Variants in UNC79 observed in about 807,000 individuals in gnomAD.
UNC79 encodes the protein unc-79 subunit of NALCN channel complex, also known as protein unc-79 homolog.
A neutral mutation model predicts 283.1 loss-of-function variants in UNC79; 37 were observed. That is an observed-to-expected ratio of 0.13 (90% CI 0.10 to 0.17). The LOEUF (loss-of-function observed/expected upper bound fraction) is 0.17. UNC79 is among the 10% of genes least tolerant of loss of function. UNC79 has a pLI of 1.00. For synonymous variants in UNC79, 1,107 were observed against 1,200.2 expected, an observed-to-expected ratio of 0.92 and a Z score of 1.61; for missense variants, 2,272 against 3,211.1, an observed-to-expected ratio of 0.71 and a Z score of 7.07.
intron 38 of UNC79, 76 bp from the exon 42 acceptor site, chr14:93,659,117 C>G: frequency 8.4e-7 from 1 of 1,195,100 alleles, no homozygotes; most frequent in Admixed American, 2.4e-5. Context: ...AAACTAAATG[C>G]TTTCAGAACA....
chr14:93,423,698 T>C lies in UNC79; in HGVS notation c.-350-43973T>C, dbSNP rs141032065. On this transcript the variant is annotated intron_variant, in intron 1 of 49. Transcript: ENST00000256339. ...GAAACTAGACTCCTATTTCTCACCATATACAAAAATCAAATCAAAATGGAT... is the reference window on the plus strand; with the variant it reads ...GAAACTAGACTCCTATTTCTCACCACATACAAAAATCAAATCAAAATGGAT... Among the ~76,000 whole-genome samples, 423 of 152,352 alleles carry C rather than the reference T, an allele frequency of 2.8e-3. 2 individuals are homozygous for C. Among genetic ancestry groups the C allele is most frequent in the African/African-American group, 8.2e-3 (343 of 41,582 alleles).
chr14:93,439,867 T>C (rs984636268), intron 1 of UNC79, among the ~76,000 whole-genome samples: 2 of 152,270 alleles, frequency 1.3e-5, no homozygotes, highest in South Asian at 4.1e-4. Context: ...CATCTAAGTT[T>C]TCAAATTTGT....
chr14:93,424,991 T>A (rs1279076840), intron 1 of UNC79, among the ~76,000 whole-genome samples: 3 of 152,232 alleles, frequency 2.0e-5, no homozygotes, highest in Non-Finnish European at 2.9e-5. Context: ...ACACTTACTA[T>A]GTATCTTCAA....
At chr14:93,360,859 G>C (rs1322442662) in intron 1 of UNC79, among the ~76,000 whole-genome samples, 1 of 152,140 alleles carries the variant, frequency 6.6e-6, no homozygotes, top group Non-Finnish European at 1.5e-5. Context: ...TGTGGGGCCT[G>C]TCAAGATATT....
intron 1 of UNC79, among the ~76,000 whole-genome samples, chr14:93,464,236 T>C (rs899474725): frequency 6.6e-6 from 1 of 152,180 alleles, no homozygotes; most frequent in Non-Finnish European, 1.5e-5. Flanking sequence ...ACAGACTGGG[T>C]GGCTAAAACA....
intron 19 of UNC79, among the ~76,000 whole-genome samples, chr14:93,581,953 T>C (rs1339664327): frequency 6.6e-6 from 1 of 152,208 alleles, no homozygotes; most frequent in Admixed American, 6.5e-5. Context: ...GATTTAATGA[T>C]GTTTTTGATC....
chr14:93,561,829 G>T (rs1178062395), intron 14 of UNC79, among the ~76,000 whole-genome samples: 1 of 152,154 alleles, frequency 6.6e-6, no homozygotes, highest in Non-Finnish European at 1.5e-5. Flanking sequence ...AGTGTAAACT[G>T]GCAGTATAAA....
rs548880523 is a variant in UNC79 at position 93,474,392 on chromosome 14, C to T, written c.447C>T (p.His149=). Residue 149 remains histidine, a splice_region_variant and synonymous_variant, in exon 3 of 49, where the codon CAC becomes CAT. Transcript: ENST00000555664. This position sits in a 1 kb window ranked among gnomAD's most constrained non-coding sequence, Gnocchi z 4.1. ...TTCCTTTACTACAGCACGGCCAACACGGTGAGCACTTAGCTGAAACCTTTG... is the reference window on the plus strand; with the variant it reads ...TTCCTTTACTACAGCACGGCCAACATGGTGAGCACTTAGCTGAAACCTTTG... The T allele has an allele frequency of 7.5e-5, 115 of 1,533,782 alleles. No individual in the cohort carries two copies. In the South Asian group the frequency reaches 1.1e-3, roughly 14 times the overall value.
chr14:93,548,317 C>T (rs1267014393), intron 14 of UNC79, among the ~76,000 whole-genome samples: 1 of 152,150 alleles, frequency 6.6e-6, no homozygotes, highest in Non-Finnish European at 1.5e-5. Flanking sequence ...CATAAAGGCT[C>T]TGTTCTCATG....
intron 42 of UNC79, 110 bp downstream of exon 45, chr14:93,682,804 A>G (rs1027815069): frequency 7.8e-6 from 8 of 1,019,460 alleles, no homozygotes; most frequent in Non-Finnish European, 1.2e-5. Flanking sequence ...TTTACTAGCT[A>G]TGTGACTTTT....
At chr14:93,632,204 G>T (rs1301011834) in intron 31 of UNC79, among the ~76,000 whole-genome samples, 1 of 152,192 alleles carries the variant, frequency 6.6e-6, no homozygotes, top group Admixed American at 6.5e-5. Context: ...TTGTAATAAG[G>T]ATTATGGAAA....
chr14:93,586,661 T>C (rs774919898), exon 21 of UNC79: 5 of 1,613,748 alleles, frequency 3.1e-6, no homozygotes, highest in East Asian at 4.5e-5. Flanking sequence ...GAGACTAATA[T>C]ATACCATTTT....
At chr14:93,694,287 T>C (rs1199411959) in intron 46 of UNC79, 48 bp from the exon 50 acceptor site, 1 of 1,579,642 alleles carries the variant, frequency 6.3e-7, no homozygotes, top group Non-Finnish European at 8.7e-7. Context: ...GTTTGCAAGG[T>C]TTCTATATCA....
intron 22 of UNC79, 48 bp downstream of exon 22, chr14:93,586,956 AGTTGTGAAAATT>A: frequency 6.3e-7 from 1 of 1,584,570 alleles, no homozygotes; most frequent in Non-Finnish European, 8.6e-7. Flanking sequence ...ATTAGGCTTT[AGTTGTGAAAATT>A]AAAGTTAGAT....
intron 13 of UNC79, among the ~76,000 whole-genome samples, chr14:93,541,930 G>A (rs1490398625): frequency 1.0e-4 from 15 of 150,080 alleles, no homozygotes; most frequent in African/African-American, 3.4e-4. Flanking sequence ...GCGTGAACCC[G>A]GGAGGCGGAG....
At chr14:93,435,842 T>C (rs954443828) in intron 1 of UNC79, among the ~76,000 whole-genome samples, 1 of 152,238 alleles carries the variant, frequency 6.6e-6, no homozygotes, top group African/African-American at 2.4e-5. Flanking sequence ...CAATGCATCA[T>C]GTTCTTTTTG....
chr14:93,597,207 T>C, intron 23 of UNC79, 152 bp from the exon 24 acceptor site: 1 of 737,474 alleles, frequency 1.4e-6, no homozygotes, highest in Non-Finnish European at 2.2e-6. Flanking sequence ...GTATTAGACT[T>C]TCCTGTTGGG....
intron 20 of UNC79, among the ~76,000 whole-genome samples, chr14:93,584,147 G>A (rs569880422): frequency 1.3e-5 from 2 of 152,312 alleles, no homozygotes; most frequent in South Asian, 4.1e-4. Flanking sequence ...AGAATATTCT[G>A]CAGAAAAGAA....
Position 93,694,242 on chromosome 14 carries a change from G to A in UNC79, c.7471-93G>A, listed in dbSNP as rs375972592. 9.8e-5 allele frequency: 112 copies of A among 1,143,094 alleles called. No individual in the cohort carries two copies. The African/African-American group carries it at 1.6e-3, about 16-fold the overall frequency. 70.8% of individuals were successfully genotyped at this position (1,143,094 alleles called of 1,614,324 possible). On this transcript the variant is annotated intron_variant, in intron 46 of 48. Transcript: ENST00000555664. ...GGTCATTACACAGAAAGACCTCATG[G>A]GCACAGGACATCGGTCTTCTGCGGC...
Sources: allele counts gnomAD v4.1 joint callset (sites outside exome capture counted in the v4.1 genomes callset), GRCh38; gene constraint gnomAD v4.1.1; non-coding constraint Gnocchi (gnomAD v3.1); transcripts MANE v1.5; gene names NCBI Gene and HGNC (gene_info 2026-07-23, HGNC 2026-07-21).